The following ELOVL7 variants were observed in gnomAD, a reference collection of about 807,000 sequenced individuals.
The protein encoded by ELOVL7 is very long chain fatty acid elongase 7.
ELOVL7 carries 27 observed loss-of-function variants against 35.7 expected under a neutral mutation model. The ratio of observed to expected loss-of-function variants is 0.76; its 90% confidence interval spans 0.56 to 1.04. The LOEUF (loss-of-function observed/expected upper bound fraction) is 1.04, where lower values mean the gene tolerates loss of function less well. Ranked by LOEUF, ELOVL7 falls within the 50% of genes least tolerant of loss-of-function variation. ELOVL7 has a pLI of 0.00. For missense variants in ELOVL7, 327 were observed against 340.8 expected (o/e 0.96, Z 0.32); for synonymous variants, 113 against 114.6 (o/e 0.99, Z 0.09).
intron 4 of ELOVL7, among the ~76,000 whole-genome samples, chr5:60,769,621 C>T (rs1031223849): frequency 5.3e-5 from 8 of 152,168 alleles, no homozygotes; most frequent in South Asian, 2.1e-4. Flanking sequence ...ACCATGTGTT[C>T]GGATGTGCCA....
intron 6 of ELOVL7, among the ~76,000 whole-genome samples, chr5:60,766,273 A>G (rs1742230293): frequency 6.6e-6 from 1 of 152,204 alleles, no homozygotes; most frequent in South Asian, 2.1e-4. Flanking sequence ...CTATATAAAG[A>G]TGCAGTTTTG....
chr5:60,769,531 A>T (rs1166771753), intron 4 of ELOVL7, among the ~76,000 whole-genome samples: 1 of 152,136 alleles, frequency 6.6e-6, no homozygotes, highest in Non-Finnish European at 1.5e-5. Flanking sequence ...CTTCCCTTTC[A>T]ACTTCTTCAG....
At chr5:60,768,562 G>A (rs1157335350) in intron 4 of ELOVL7, 1 of 369,346 alleles carries the variant, frequency 2.7e-6, no homozygotes. Flanking sequence ...CACCCACAAA[G>A]TGATCCAAGG....
At chr5:60,838,706 C>T (rs1008687065) in intron 1 of ELOVL7, among the ~76,000 whole-genome samples, 1 of 152,116 alleles carries the variant, frequency 6.6e-6, no homozygotes, top group Non-Finnish European at 1.5e-5. Context: ...GGAAACTTAT[C>T]TCATTTGAAT....
chr5:60,790,278 GA>G (rs1743853547), intron 2 of ELOVL7, among the ~76,000 whole-genome samples: 1 of 152,082 alleles, frequency 6.6e-6, no homozygotes, highest in Non-Finnish European at 1.5e-5. Context: ...AGGTAGACAC[GA>G]AAAAGGGAAT....
chr5:60,833,721 G>C (rs889596485), intron 1 of ELOVL7, among the ~76,000 whole-genome samples: 1 of 152,138 alleles, frequency 6.6e-6, no homozygotes, highest in African/African-American at 2.4e-5. Context: ...CTTGGGCAAG[G>C]TTCTTCACTT....
At chr5:60,810,929 A>C (rs1026518388) in intron 1 of ELOVL7, among the ~76,000 whole-genome samples, 5 of 152,198 alleles carry the variant, frequency 3.3e-5, no homozygotes, top group Non-Finnish European at 5.9e-5. Context: ...ACTGGGCAGT[A>C]AGAAGGCCCA....
chr5:60,754,400 C>A lies in ELOVL7; in HGVS notation c.*224G>T. The A allele has an allele frequency of 6.0e-6, 3 of 502,324 alleles. No individual in the cohort carries two copies. The highest frequency in any genetic ancestry group is 5.5e-5 in the South Asian group (2 of 36,110). The allele number at this position is 502,324 out of a possible 1,614,324, so 31.1% of individuals were successfully genotyped here. A position where few individuals can be genotyped will look rare whatever the true frequency, so the allele number is the denominator to read the frequency against. ...TTAGGTTTAAAAGCAGCTAAAAAAACAAAAACAAAAACAAAAACAAATTCT... is the reference window on the plus strand; with the variant it reads ...TTAGGTTTAAAAGCAGCTAAAAAAAAAAAAACAAAAACAAAAACAAATTCT... On this transcript the variant is annotated 3_prime_UTR_variant, in exon 9 of 9. Coordinates refer to ENST00000508821, the MANE Select transcript of ELOVL7 (RefSeq NM_024930.3).
chr5:60,823,284 G>A (rs921439994), intron 1 of ELOVL7, among the ~76,000 whole-genome samples: 2 of 152,022 alleles, frequency 1.3e-5, no homozygotes, highest in Non-Finnish European at 2.9e-5. Context: ...AAAGAAGGGC[G>A]TGAAATAGAT....
chr5:60,777,383 A>T lies in ELOVL7; in HGVS notation c.65-5290T>A, dbSNP rs74570796. Among the ~76,000 whole-genome samples, 90 of 143,478 alleles carry T rather than the reference A, an allele frequency of 6.3e-4. 1 individual carries two copies. The South Asian group carries it at 0.01, about 17-fold the overall frequency. The allele number at this position is 143,478 out of a possible 152,430, so 94.1% of individuals were successfully genotyped here. On this transcript the variant is annotated intron_variant, in intron 3 of 8. Transcript: ENST00000508821. ...CACCTACTATTTACCCGCAAAAATTAAAAAAAAAATTTTTAAAAGAAAAAT... is the reference window on the plus strand; with the variant it reads ...CACCTACTATTTACCCGCAAAAATTTAAAAAAAAATTTTTAAAAGAAAAAT...
chr5:60,775,165 G>A (rs772219833), intron 3 of ELOVL7, among the ~76,000 whole-genome samples: 2 of 152,164 alleles, frequency 1.3e-5, no homozygotes, highest in Admixed American at 1.3e-4. Flanking sequence ...TTATCCTTAA[G>A]AGCTTGGAAC....
chr5:60,768,601 G>C (rs936323684), intron 4 of ELOVL7: 25 of 436,950 alleles, frequency 5.7e-5, no homozygotes, highest in Non-Finnish European at 9.2e-6. Context: ...GCCTATTGTT[G>C]ATAAATCTGA....
chr5:60,810,737 T>G (rs1479838976), intron 1 of ELOVL7, among the ~76,000 whole-genome samples: 1 of 152,210 alleles, frequency 6.6e-6, no homozygotes, highest in Non-Finnish European at 1.5e-5. Context: ...TGGGAGTCAT[T>G]ATACTGCATT....
intron 8 of ELOVL7, among the ~76,000 whole-genome samples, chr5:60,757,263 T>C (rs116380785): frequency 3.1e-4 from 47 of 152,280 alleles, no homozygotes; most frequent in Non-Finnish European, 5.1e-4. Flanking sequence ...AATGTATTTA[T>C]TCTTGTATAA....
In ELOVL7 at chr5:60,767,807, C is replaced by A. The variant is rs1322894310; in HGVS notation, c.336+16G>T. On this transcript the variant is annotated intron_variant, in intron 5 of 8. Transcript: ENST00000508821. ...CATTGATTTTGAATTTCAAGTTTTT[C>A]CAAAGAGAAACTTACCCTCAAAGCT... 6.2e-7 allele frequency: 1 copy of A among 1,604,740 alleles called. No homozygotes were observed. Among genetic ancestry groups the A allele is most frequent in the African/African-American group, 1.3e-5 (1 of 74,616 alleles).
At chr5:60,757,403 C>A in intron 8 of ELOVL7, 106 bp downstream of exon 8, 1 of 1,185,932 alleles carries the variant, frequency 8.4e-7, no homozygotes, top group Admixed American at 2.0e-5. Flanking sequence ...CGCTCTACCC[C>A]TATTGTTTTG....
chr5:60,782,627 A>G (rs1436694293), intron 3 of ELOVL7, among the ~76,000 whole-genome samples: 2 of 152,232 alleles, frequency 1.3e-5, no homozygotes. Flanking sequence ...TCAGCCTTCA[A>G]AAAGAAAATC....
At chr5:60,836,885 C>A (rs1203385866) in intron 1 of ELOVL7, among the ~76,000 whole-genome samples, 1 of 151,894 alleles carries the variant, frequency 6.6e-6, no homozygotes, top group South Asian at 2.1e-4. Context: ...GTTGCCCTTA[C>A]GCCCTCACAA....
At chr5:60,836,026 A>G (rs912614656) in intron 1 of ELOVL7, among the ~76,000 whole-genome samples, 3 of 152,164 alleles carry the variant, frequency 2.0e-5, no homozygotes, top group African/African-American at 7.2e-5. Context: ...GCATAGGCTC[A>G]TTGGTCAACT....
Sources: gnomAD v4.1 joint callset for allele counts (sites outside exome capture counted in the v4.1 genomes callset) on GRCh38, gnomAD v4.1.1 for gene constraint, MANE v1.5 for transcripts, NCBI Gene and HGNC (gene_info 2026-07-23, HGNC 2026-07-21) for gene names.